The following MCM9 variants were observed in gnomAD, a reference collection of about 807,000 sequenced individuals.
MCM9 encodes DNA helicase MCM9.
MCM9 carries 55 observed loss-of-function variants against 72.8 expected under a neutral mutation model. The ratio of observed to expected loss-of-function variants is 0.76; its 90% CI spans 0.61 to 0.95. MCM9 has a LOEUF of 0.95. Among genes scored for constraint, MCM9 ranks in the 40% least tolerant of loss-of-function variants. The pLI is 0.00. For missense variants in MCM9, 1,279 were observed against 1,377.0 expected (o/e 0.93, Z 1.13); for synonymous variants, 480 against 503.4 (o/e 0.95, Z 0.62).
intron 9 of MCM9, among the ~76,000 whole-genome samples, chr6:118,855,840 C>T (rs1304131820): frequency 6.6e-6 from 1 of 152,166 alleles, no homozygotes; most frequent in Admixed American, 6.5e-5. Flanking sequence ...TTTTCCTCCA[C>T]TTTATGTGTA....
chr6:118,839,809 G>A (rs1775226848), intron 9 of MCM9, among the ~76,000 whole-genome samples: 2 of 152,208 alleles, frequency 1.3e-5, no homozygotes, highest in East Asian at 1.9e-4. Flanking sequence ...TGTCCCAGAG[G>A]GGCACCCGCC....
chr6:118,886,784 G>C (rs1043242769), intron 8 of MCM9, among the ~76,000 whole-genome samples: 7 of 151,924 alleles, frequency 4.6e-5, no homozygotes, highest in Admixed American at 1.3e-4. Context: ...TGAGACCCTA[G>C]TCTCTATGAA....
chr6:118,920,256 C>T (rs910879558), intron 5 of MCM9: 1 of 152,132 alleles, frequency 6.6e-6, no homozygotes, highest in African/African-American at 2.4e-5. Flanking sequence ...GCAGGCAATC[C>T]ATAATCAAAG....
At chr6:118,900,169 G>T (rs901566011) in intron 8 of MCM9, among the ~76,000 whole-genome samples, 1 of 152,164 alleles carries the variant, frequency 6.6e-6, no homozygotes, top group Non-Finnish European at 1.5e-5. Context: ...ATGACACAGG[G>T]GGGTGCCGTA....
rs1249752936 is a variant in MCM9 at position 118,826,161 on chromosome 6, A to G, written c.1947T>C (p.Leu649=). The G allele has an allele frequency of 6.5e-7, 1 of 1,550,130 alleles. No homozygotes were observed. Among genetic ancestry groups the G allele is most frequent in the East Asian group, 2.4e-5 (1 of 40,924 alleles). Residue 649 remains leucine (L), a synonymous_variant, in exon 13 of 14, where the codon CTT becomes CTC. Transcript: ENST00000619706. ...TCATTCCTCACCTTTCAAGTCTTCT[A>G]AGCTCTTCACTCAAGAGGCTCTGCA... is the stretch of plus-strand genomic sequence containing the variant. The part of the protein sequence containing the change: ...LELQSLLSEE[L]RRLERLQNQS...
intron 8 of MCM9, among the ~76,000 whole-genome samples, chr6:118,896,043 T>TG (rs1779384207): frequency 8.7e-6 from 1 of 114,296 alleles, no homozygotes; most frequent in South Asian, 2.8e-4. Context: ...GTGCCCCCGT[T>TG]TTTTTTTTTT....
At chr6:118,911,262 A>C in intron 8 of MCM9, 1 of 989,822 alleles carries the variant, frequency 1.0e-6, no homozygotes, top group Non-Finnish European at 1.2e-6. Flanking sequence ...TATCAGATTT[A>C]TGAGCATGAA....
intron 9 of MCM9, 118 bp from the exon 10 acceptor site, chr6:118,829,368 G>A (rs987940213): frequency 4.7e-6 from 4 of 856,384 alleles, no homozygotes; most frequent in Non-Finnish European, 7.1e-6. Flanking sequence ...TCCTATGAAA[G>A]AAAATGTAGA....
chr6:118,916,785 A>G (rs1443287043), intron 6 of MCM9, among the ~76,000 whole-genome samples: 1 of 152,210 alleles, frequency 6.6e-6, no homozygotes, highest in African/African-American at 2.4e-5. Flanking sequence ...TACAGGCGTG[A>G]GCCACCATGC....
At chr6:118,845,913 C>T (rs1340488754) in intron 9 of MCM9, among the ~76,000 whole-genome samples, 6 of 151,768 alleles carry the variant, frequency 4.0e-5, no homozygotes, top group Admixed American at 3.9e-4. Context: ...ATATGCTTCC[C>T]TGAACCTTCC....
chr6:118,817,900 CT>C (rs1773514468), intron 13 of MCM9, among the ~76,000 whole-genome samples: 2 of 152,102 alleles, frequency 1.3e-5, no homozygotes, highest in African/African-American at 2.4e-5. Flanking sequence ...TGATGATGAG[CT>C]TTTTTTCATG....
intron 8 of MCM9, among the ~76,000 whole-genome samples, chr6:118,901,374 T>C (rs565748290): frequency 1.7e-4 from 26 of 152,352 alleles, no homozygotes; most frequent in African/African-American, 5.8e-4. Flanking sequence ...GGTTAACAGA[T>C]ACGTTTAGTG....
intron 8 of MCM9, among the ~76,000 whole-genome samples, chr6:118,872,133 C>T (rs1183700374): frequency 3.9e-5 from 6 of 151,964 alleles, no homozygotes; most frequent in African/African-American, 7.2e-5. Flanking sequence ...CTGGCTAACA[C>T]GGTGAAACCC....
chr6:118,893,890 C>A, intron 8 of MCM9: 1 of 365,452 alleles, frequency 2.7e-6, no homozygotes, highest in Non-Finnish European at 3.8e-6. Context: ...ACGAAGCCAA[C>A]TGGAGGGGCG....
In MCM9 at chr6:118,837,561, T is replaced by G. The variant is rs144875932; in HGVS notation, c.1326-8311A>C. ...ATGAATCTGGGTGCTCCTGTATTGGTTGCATATATATTCAGGATAGTTAGG... is the reference window on the plus strand; with the variant it reads ...ATGAATCTGGGTGCTCCTGTATTGGGTGCATATATATTCAGGATAGTTAGG... On this transcript the variant is annotated intron_variant, in intron 9 of 13. Transcript: ENST00000619706. 1.8e-3 allele frequency among the ~76,000 whole-genome samples: 278 copies of G among 152,322 alleles called. 1 individual carries two copies. Among genetic ancestry groups the G allele is most frequent in the South Asian group, 0.01 (50 of 4,822 alleles).
At chr6:118,885,844 T>A (rs537374471) in intron 8 of MCM9, among the ~76,000 whole-genome samples, 31 of 152,024 alleles carry the variant, frequency 2.0e-4, no homozygotes, top group African/African-American at 7.5e-4. Flanking sequence ...AGACCAAAAA[T>A]CAGACACAGA....
At chr6:118,893,975 G>GCGC (rs1338161280) in intron 8 of MCM9, 3 of 979,490 alleles carry the variant, frequency 3.1e-6, no homozygotes, top group East Asian at 1.1e-4. Flanking sequence ...GCCCCTCTCC[G>GCGC]CGCCGCCGCC....
At chr6:118,911,526 T>G (rs1780543552) in intron 8 of MCM9, 124 bp downstream of exon 8, 1 of 1,397,938 alleles carries the variant, frequency 7.2e-7, no homozygotes, top group Non-Finnish European at 9.3e-7. Context: ...TTCCTTCCAT[T>G]TTTAGTGGTA....
At chr6:118,875,775 T>C (rs36146888) in intron 8 of MCM9, among the ~76,000 whole-genome samples, 111,006 of 152,116 alleles carry the variant, frequency 0.73, 41,539 homozygotes, top group South Asian at 0.83. Context: ...TTGTCATTTA[T>C]TGCTTCTGGG....
Sources: allele counts gnomAD v4.1 joint callset (sites outside exome capture counted in the v4.1 genomes callset), GRCh38; gene constraint gnomAD v4.1.1; transcripts MANE v1.5; gene names NCBI Gene and HGNC (gene_info 2026-07-23, HGNC 2026-07-21).